DPP10: variants seen among roughly 807,000 people sequenced by gnomAD.
DPP10 encodes dipeptidyl peptidase like 10.
Under a neutral mutation model 120.9 loss-of-function variants are expected in DPP10, and 33 were observed. The observed-to-expected ratio is 0.27, with a 90% CI of 0.21 to 0.37. The LOEUF (loss-of-function observed/expected upper bound fraction) is 0.37. Among genes scored for constraint, DPP10 ranks in the 10% least tolerant of loss-of-function variants. DPP10 has a pLI of 1.00. For synonymous variants in DPP10, 337 were observed against 326.1 expected, an observed-to-expected ratio of 1.03 and a Z score of -0.36; for missense variants, 816 against 942.8, an observed-to-expected ratio of 0.87 and a Z score of 1.76.
intron 5 of DPP10, among the ~76,000 whole-genome samples, chr2:115,689,191 G>C (rs1450746502): frequency 6.6e-6 from 1 of 152,098 alleles, no homozygotes; most frequent in Non-Finnish European, 1.5e-5. Flanking sequence ...GCTCCATACG[G>C]GGGCTTTATT....
intron 1 of DPP10, among the ~76,000 whole-genome samples, chr2:114,473,177 C>T (rs1031690525): frequency 2.0e-5 from 3 of 152,168 alleles, no homozygotes; most frequent in Non-Finnish European, 2.9e-5. Context: ...CCCCAATCTT[C>T]TTTCTTTTAT....
intron 3 of DPP10, among the ~76,000 whole-genome samples, chr2:115,402,875 ATG>A (rs1553584409): frequency 0.048 from 5,984 of 125,060 alleles, 237 homozygotes; most frequent in Non-Finnish European, 0.056. Context: ...ATATATATAT[ATG>A]TGTGTGTGTG....
chr2:114,559,891 CAAAAAAAA>C (rs60833358), intron 1 of DPP10, among the ~76,000 whole-genome samples: 1 of 65,954 alleles, frequency 1.5e-5, no homozygotes, highest in Non-Finnish European at 3.1e-5. Flanking sequence ...AGAAAAAAAG[CAAAAAAAA>C]AAAAAAAAAA....
chr2:115,637,916 A>G (rs1472206331), intron 5 of DPP10, among the ~76,000 whole-genome samples: 2 of 152,196 alleles, frequency 1.3e-5, no homozygotes, highest in Non-Finnish European at 2.9e-5. Flanking sequence ...TAACTCAAAT[A>G]TAAGTTCAGA....
At chr2:115,273,858 A>G (rs988056060) in intron 1 of DPP10, among the ~76,000 whole-genome samples, 1 of 152,238 alleles carries the variant, frequency 6.6e-6, no homozygotes, top group Admixed American at 6.5e-5. Context: ...TGTTTTGGGT[A>G]GAACGCTAAT....
chr2:114,789,121 G>T (rs950443976), intron 1 of DPP10, among the ~76,000 whole-genome samples: 1 of 152,112 alleles, frequency 6.6e-6, no homozygotes, highest in East Asian at 1.9e-4. Context: ...TGGAAATACT[G>T]TTTACTGGGT....
intron 1 of DPP10, among the ~76,000 whole-genome samples, chr2:115,251,625 T>A (rs1272468452): frequency 2.0e-5 from 3 of 152,098 alleles, no homozygotes; most frequent in African/African-American, 7.2e-5. Flanking sequence ...TTAGGAAAAG[T>A]AAGAGAATGT....
At chr2:114,874,859 C>A (rs919217860) in intron 1 of DPP10, among the ~76,000 whole-genome samples, 1 of 152,044 alleles carries the variant, frequency 6.6e-6, no homozygotes. Flanking sequence ...GAGGAGCAGG[C>A]TTTTGAACTT....
chr2:114,714,893 A>G (rs1558664432), intron 1 of DPP10, among the ~76,000 whole-genome samples: 1 of 152,214 alleles, frequency 6.6e-6, no homozygotes, highest in East Asian at 1.9e-4. Context: ...AAGAAACAAA[A>G]GAACAGCCAC....
intron 11 of DPP10, among the ~76,000 whole-genome samples, chr2:115,760,147 T>C (rs913402657): frequency 3.9e-5 from 6 of 152,136 alleles, no homozygotes; most frequent in Non-Finnish European, 7.4e-5. Flanking sequence ...TTATTTACAA[T>C]AGCTAAAAAG....
intron 3 of DPP10, among the ~76,000 whole-genome samples, chr2:115,445,239 T>C (rs2072468140): frequency 6.6e-6 from 1 of 152,188 alleles, no homozygotes; most frequent in Non-Finnish European, 1.5e-5. Flanking sequence ...TATGTCTTTA[T>C]AGGAGTGTGA....
chr2:115,397,256 G>A (rs916242712), intron 3 of DPP10, among the ~76,000 whole-genome samples: 1 of 152,132 alleles, frequency 6.6e-6, no homozygotes, highest in Non-Finnish European at 1.5e-5. Flanking sequence ...AAACAAATCT[G>A]ACTGGACTAA....
chr2:114,985,080 C>T (rs1378893530), intron 1 of DPP10, among the ~76,000 whole-genome samples: 1 of 152,174 alleles, frequency 6.6e-6, no homozygotes, highest in African/African-American at 2.4e-5. Flanking sequence ...TGTCAAGGCC[C>T]AAAGATTCTA....
intron 2 of DPP10, among the ~76,000 whole-genome samples, chr2:115,337,208 G>A (rs951773233): frequency 6.6e-6 from 1 of 151,884 alleles, no homozygotes; most frequent in Non-Finnish European, 1.5e-5. Context: ...TGAGAAAAGA[G>A]GATATGCTAT....
At chr2:115,452,807 A>AT (rs1396284842) in intron 3 of DPP10, among the ~76,000 whole-genome samples, 2 of 151,924 alleles carry the variant, frequency 1.3e-5, no homozygotes, top group African/African-American at 4.8e-5. Flanking sequence ...AATATAAAAT[A>AT]TAAGTATTGT....
intron 11 of DPP10, among the ~76,000 whole-genome samples, chr2:115,756,200 A>G (rs1257230607): frequency 1.3e-5 from 2 of 152,142 alleles, no homozygotes; most frequent in African/African-American, 2.4e-5. Flanking sequence ...AGGAAAGGAT[A>G]GAGAGAAGTT....
At chr2:114,931,252 A>G (rs941409241) in intron 1 of DPP10, among the ~76,000 whole-genome samples, 3 of 152,134 alleles carry the variant, frequency 2.0e-5, no homozygotes, top group East Asian at 3.9e-4. Context: ...GGAAATTTAT[A>G]AGGAAAGGGG....
chr2:115,139,727 A>G (rs2050825388), intron 1 of DPP10, among the ~76,000 whole-genome samples: 3 of 61,348 alleles, frequency 4.9e-5, no homozygotes, highest in South Asian at 9.3e-4. Flanking sequence ...AAAATACTAA[A>G]AAAAAAAAAA....
chr2:115,693,644 C>G (rs1291330019), intron 7 of DPP10, among the ~76,000 whole-genome samples: 2 of 151,954 alleles, frequency 1.3e-5, no homozygotes, highest in East Asian at 3.9e-4. Flanking sequence ...TATGCATTTT[C>G]TTTATTTGTT....
Sources: gnomAD v4.1 joint callset for allele counts (sites outside exome capture counted in the v4.1 genomes callset) on GRCh38, gnomAD v4.1.1 for gene constraint, MANE v1.5 for transcripts, NCBI Gene and HGNC (gene_info 2026-07-23, HGNC 2026-07-21) for gene names.